The following PDPK1 variants were observed in gnomAD, a reference collection of about 807,000 sequenced individuals.
PDPK1 encodes 3-phosphoinositide-dependent protein kinase 1.
In PDPK1, 7 loss-of-function variants were observed where a neutral mutation model predicts 39.8. The observed-to-expected ratio is 0.18, with a 90% CI of 0.10 to 0.33. PDPK1 has a LOEUF of 0.33. Ranked by LOEUF, PDPK1 falls within the 10% of genes least tolerant of loss-of-function variation. The pLI is 1.00. For missense variants in PDPK1, 182 were observed against 384.7 expected (o/e 0.47, Z 4.41); for synonymous variants, 118 against 159.1 (o/e 0.74, Z 1.95).
At chr16:2,553,020 C>G (rs1323505311) in intron 1 of PDPK1, among the ~76,000 whole-genome samples, 1 of 145,950 alleles carries the variant, frequency 6.9e-6, no homozygotes, top group Non-Finnish European at 1.5e-5. Flanking sequence ...CCCGCCTTCC[C>G]TTGGGGGTGG....
intron 2 of PDPK1, among the ~76,000 whole-genome samples, chr16:2,560,247 A>G (rs1462999910): frequency 6.6e-6 from 1 of 152,152 alleles, no homozygotes; most frequent in Non-Finnish European, 1.5e-5. Context: ...GCTCGTTCAC[A>G]ATTCTTTCTT....
intron 11 of PDPK1, among the ~76,000 whole-genome samples, chr16:2,591,019 G>A (rs1017723069): frequency 6.6e-6 from 1 of 150,664 alleles, no homozygotes; most frequent in Non-Finnish European, 1.5e-5. Flanking sequence ...CTGGAGTGCA[G>A]TGGCACAATC....
At position 2,597,799 on chromosome 16, in the gene PDPK1, C is replaced by A; in HGVS notation, c.*32C>A. On this transcript the variant is annotated 3_prime_UTR_variant, in exon 14 of 14. Transcript: ENST00000342085. The surrounding 1 kb of genome is among the most constrained non-coding windows in gnomAD (Gnocchi z 6.3). Reference sequence around the variant, plus strand: ...CTGCGGCCGGGCTGCCCTTCGCTGCCAGGACACCTGCCCCAGCGCGGCTTG... The same window carrying A: ...CTGCGGCCGGGCTGCCCTTCGCTGCAAGGACACCTGCCCCAGCGCGGCTTG... 1 of 1,457,918 alleles carries A rather than the reference C, an allele frequency of 6.9e-7. No homozygotes were observed. Among genetic ancestry groups the A allele is most frequent in the Non-Finnish European group, 9.6e-7 (1 of 1,041,518 alleles). The allele number at this position is 1,457,918 out of a possible 1,614,324, so 90.3% of individuals were successfully genotyped here.
intron 1 of PDPK1, among the ~76,000 whole-genome samples, chr16:2,556,642 A>G (rs1269090609): frequency 1.4e-5 from 2 of 141,030 alleles, no homozygotes; most frequent in African/African-American, 5.7e-5. Context: ...CTGGGATTAC[A>G]GGCCTGAGCC....
In PDPK1 at chr16:2,599,812, T is replaced by C. The variant is rs2067179371; in HGVS notation, c.*2045T>C. The C allele has an allele frequency of 4.3e-6, 1 of 233,892 alleles. No individual in the cohort carries two copies. The highest frequency in any genetic ancestry group is 2.2e-5 in the African/African-American group (1 of 45,506). 14.5% of individuals were successfully genotyped at this position (233,892 alleles called of 1,614,324 possible). On this transcript the variant is annotated 3_prime_UTR_variant, in exon 14 of 14. Coordinates refer to ENST00000342085, the MANE Select transcript of PDPK1 (RefSeq NM_002613.5). ...GGGCGTCTGGTTATAGGGAAACAAG[T>C]GGAGCAGGGACGTGGCTTTAATTGG... is the stretch of plus-strand genomic sequence containing the variant.
chr16:2,577,835 T>C (rs1225534664), intron 7 of PDPK1, among the ~76,000 whole-genome samples: 1 of 148,838 alleles, frequency 6.7e-6, no homozygotes, highest in African/African-American at 2.5e-5. Flanking sequence ...GCCTCCCGGG[T>C]TCAAGCAATT....
chr16:2,538,164 G>A (rs2066171806), intron 1 of PDPK1, 28 bp downstream of exon 1: 6 of 1,051,018 alleles, frequency 5.7e-6, no homozygotes, highest in Non-Finnish European at 6.9e-6. Flanking sequence ...GACTGGACGC[G>A]CCGGTTTGTT....
chr16:2,595,746 T>C, intron 11 of PDPK1, 47 bp from the exon 12 acceptor site: 2 of 1,475,202 alleles, frequency 1.4e-6, no homozygotes, highest in Non-Finnish European at 1.9e-6. Flanking sequence ...GGAGAATTTC[T>C]GTTTGTGATT....
intron 6 of PDPK1, chr16:2,577,109 C>T (rs1326624542): frequency 5.9e-6 from 3 of 507,888 alleles, no homozygotes; most frequent in Non-Finnish European, 1.0e-5. Context: ...TTTGGATACC[C>T]CAGGTCCTGC....
rs1485910272 is a variant in PDPK1, at chr16:2,599,424, G to A, written c.*1657G>A. ...TTTTAGCTAGGCGAGTACAGACGGG[G>A]CCTGGGAGGGGGCAGAGATGTTCCC... On this transcript the variant is annotated 3_prime_UTR_variant, in exon 14 of 14. Coordinates refer to ENST00000342085, the MANE Select transcript of PDPK1 (RefSeq NM_002613.5). 4.3e-6 allele frequency: 1 copy of A among 233,236 alleles called. No homozygotes were observed. Among genetic ancestry groups the A allele is most frequent in the East Asian group, 6.0e-5 (1 of 16,594 alleles). 14.4% of individuals were successfully genotyped at this position (233,236 alleles called of 1,614,324 possible). A position where few individuals can be genotyped will look rare whatever the true frequency, so the allele number is the denominator to read the frequency against.
chr16:2,552,776 G>C (rs1323564343), intron 1 of PDPK1, among the ~76,000 whole-genome samples: 1 of 134,592 alleles, frequency 7.4e-6, no homozygotes, highest in African/African-American at 3.1e-5. Flanking sequence ...CACTGATGAA[G>C]TCACAGAAGC....
At chr16:2,586,648 G>A (rs377743137) in intron 10 of PDPK1, 28 bp from the exon 11 acceptor site, 54 of 1,597,552 alleles carry the variant, frequency 3.4e-5, no homozygotes, top group East Asian at 6.7e-5. Flanking sequence ...GTGAAGGTGC[G>A]GTTCTCACTT....
chr16:2,584,875 C>T (rs940930617), intron 10 of PDPK1, among the ~76,000 whole-genome samples: 2 of 152,226 alleles, frequency 1.3e-5, no homozygotes, highest in South Asian at 2.1e-4. Flanking sequence ...GCCTGGGAGC[C>T]TCGAGGCCCT....
chr16:2,590,948 C>T (rs563881391), intron 11 of PDPK1, among the ~76,000 whole-genome samples: 1 of 149,720 alleles, frequency 6.7e-6, no homozygotes, highest in Admixed American at 6.6e-5. Context: ...TGCACCAGGC[C>T]AAAAGTCTTT....
chr16:2,592,029 A>G (rs952015036), intron 11 of PDPK1, among the ~76,000 whole-genome samples: 1 of 152,190 alleles, frequency 6.6e-6, no homozygotes, highest in Admixed American at 6.5e-5. Context: ...CTGGCAGTGA[A>G]GCTGAGCCTG....
Position 2,586,836 on chromosome 16 carries a change from A to G in PDPK1, c.1286A>G (p.Gln429Arg), listed in dbSNP as rs1205759672. 2 of 1,614,146 alleles carry G rather than the reference A, an allele frequency of 1.2e-6. No homozygotes were observed. The highest frequency in any genetic ancestry group is 1.7e-5 in the Admixed American group (1 of 60,014). ...TCGAACTCCTTTGAACTGGACTTAC[A>G]GTTTTCCGAAGATGAGAAGAGGTTG... Reference protein sequence around the residue: ...LDSNSFELDLQFSEDEKRLLL... With the variant: ...LDSNSFELDLRFSEDEKRLLL... The change falls in exon 11 of 14, where the codon CAG (glutamine) becomes CGG (arginine). Residue 429 changes from glutamine to arginine, a missense_variant. By Grantham distance (43) the Gln-to-Arg change is conservative. This residue lies in a region of PDPK1 where 90 missense variants were observed against 111.9 expected (regional missense o/e 0.80). Coordinates refer to ENST00000342085, the MANE Select transcript of PDPK1 (RefSeq NM_002613.5).
chr16:2,590,606 A>G (rs988702473), intron 11 of PDPK1, among the ~76,000 whole-genome samples: 13 of 152,266 alleles, frequency 8.5e-5, no homozygotes. Context: ...GCCGTTATGC[A>G]GACTTAGCTA....
rs1396482105 is a variant in PDPK1 at position 2,602,005 on chromosome 16, G to A, written c.*4238G>A. The A allele has an allele frequency of 4.3e-6, 1 of 234,056 alleles. No individual in the cohort carries two copies. Among genetic ancestry groups the A allele is most frequent in the Non-Finnish European group, 8.5e-6 (1 of 117,758 alleles). The allele number at this position is 234,056 out of a possible 1,614,324, so 14.5% of individuals were successfully genotyped here. On this transcript the variant is annotated 3_prime_UTR_variant, in exon 14 of 14. Transcript: ENST00000342085. ...CCAGAGATTATGGCCAAATTGCACG[G>A]AATTTGGTTTCTTGCCCTCTGAAGC...
At chr16:2,584,995 G>T (rs1403701170) in intron 10 of PDPK1, among the ~76,000 whole-genome samples, 1 of 152,218 alleles carries the variant, frequency 6.6e-6, no homozygotes, top group Non-Finnish European at 1.5e-5. Context: ...TTGCTGCAGA[G>T]GTTTTGCTCG....
Sources: allele counts gnomAD v4.1 joint callset (sites outside exome capture counted in the v4.1 genomes callset), GRCh38; gene constraint gnomAD v4.1.1; regional missense constraint gnomAD v4.1.1; non-coding constraint Gnocchi (gnomAD v3.1); transcripts MANE v1.5; gene names NCBI Gene and HGNC (gene_info 2026-07-23, HGNC 2026-07-21).